TRPC6: variants seen among roughly 807,000 people sequenced by gnomAD.
TRPC6 encodes short transient receptor potential channel 6.
In TRPC6, 55 loss-of-function variants were observed where a neutral mutation model predicts 90.7. That is an observed-to-expected ratio of 0.61 (90% CI 0.49 to 0.76). The LOEUF is 0.76. Among genes scored for constraint, TRPC6 ranks in the 30% least tolerant of loss-of-function variants. TRPC6 has a pLI of 0.00. For synonymous variants in TRPC6, 393 were observed against 393.0 expected (o/e 1.00, Z 0.00); for missense variants, 989 against 1,122.7 (o/e 0.88, Z 1.70).
At chr11:101,537,533 G>A (rs1861079383) in intron 1 of TRPC6, among the ~76,000 whole-genome samples, 2 of 151,952 alleles carry the variant, frequency 1.3e-5, no homozygotes, top group South Asian at 4.1e-4. Flanking sequence ...GGCCTTATGT[G>A]GATGTTTCTC....
intron 1 of TRPC6, among the ~76,000 whole-genome samples, chr11:101,526,154 A>T (rs1341424575): frequency 6.6e-6 from 1 of 152,164 alleles, no homozygotes; most frequent in Non-Finnish European, 1.5e-5. Flanking sequence ...GGGTATAAAT[A>T]TGAATCTCTC....
chr11:101,494,755 T>G (rs1859905496), intron 2 of TRPC6, among the ~76,000 whole-genome samples: 1 of 152,224 alleles, frequency 6.6e-6, no homozygotes, highest in African/African-American at 2.4e-5. Flanking sequence ...TGGTATTTAA[T>G]AACCTTAATC....
chr11:101,517,374 C>T (rs1326896601), intron 1 of TRPC6, among the ~76,000 whole-genome samples: 1 of 152,170 alleles, frequency 6.6e-6, no homozygotes, highest in East Asian at 1.9e-4. Context: ...GCTAAGAATG[C>T]TTGTTTTCAG....
chr11:101,491,840 T>G, intron 2 of TRPC6, 102 bp from the exon 3 acceptor site: 17 of 853,542 alleles, frequency 2.0e-5, no homozygotes, highest in Non-Finnish European at 2.2e-5. Flanking sequence ...AACATTCTTT[T>G]TTTTTTTTTT....
intron 10 of TRPC6, among the ~76,000 whole-genome samples, chr11:101,468,238 A>C (rs1388273829): frequency 6.6e-6 from 1 of 152,064 alleles, no homozygotes; most frequent in Admixed American, 6.5e-5. Context: ...ATTTCTTCCC[A>C]ATCAAAATTC....
At chr11:101,544,244 G>C (rs970409060) in intron 1 of TRPC6, among the ~76,000 whole-genome samples, 3 of 152,206 alleles carry the variant, frequency 2.0e-5, no homozygotes, top group Non-Finnish European at 2.9e-5. Context: ...ATGCTGGAGA[G>C]GATATGGAGA....
intron 4 of TRPC6, among the ~76,000 whole-genome samples, chr11:101,485,182 G>C (rs1859647887): frequency 6.8e-6 from 1 of 147,742 alleles, no homozygotes; most frequent in Non-Finnish European, 1.5e-5. Flanking sequence ...ATAGATTCTA[G>C]AATTGCAGAG....
intron 1 of TRPC6, among the ~76,000 whole-genome samples, chr11:101,557,009 T>G (rs1230418585): frequency 6.6e-6 from 1 of 152,170 alleles, no homozygotes; most frequent in East Asian, 1.9e-4. Flanking sequence ...AATTCAATAT[T>G]CTTTCATGAT....
rs199503170 is a variant in TRPC6, at chr11:101,483,097, C to T, written c.1362G>A (p.Leu454=). 2.5e-6 allele frequency: 4 copies of T among 1,613,938 alleles called. No individual in the cohort carries two copies. Among genetic ancestry groups the T allele is most frequent in the African/African-American group, 1.3e-5 (1 of 74,914 alleles). The part of the protein sequence containing the change: ...VAHAASFTIF[L]GLLVMNAADR... ...CAGCTGCATTCATGACTAGCAGTCC[C>T]AGAAAAATGGTGAAGGAGGCTGCGT... is the stretch of plus-strand genomic sequence containing the variant. Residue 454 remains leucine (L), a synonymous_variant, in exon 5 of 13, where the codon CTG becomes CTA. Coordinates refer to ENST00000344327, the MANE Select transcript of TRPC6 (RefSeq NM_004621.6).
At chr11:101,566,446 T>A (rs549535962) in intron 1 of TRPC6, among the ~76,000 whole-genome samples, 2 of 152,288 alleles carry the variant, frequency 1.3e-5, no homozygotes, top group South Asian at 4.1e-4. Context: ...AAAAGATGTA[T>A]CCCCATAGGT....
chr11:101,547,607 T>C (rs1861337390), intron 1 of TRPC6, among the ~76,000 whole-genome samples: 1 of 152,202 alleles, frequency 6.6e-6, no homozygotes, highest in Admixed American at 6.5e-5. Context: ...ATTTCTGTTA[T>C]GAATATTTCT....
chr11:101,512,078 G>C (rs1860407027), intron 1 of TRPC6, among the ~76,000 whole-genome samples: 1 of 147,946 alleles, frequency 6.8e-6, no homozygotes, highest in Non-Finnish European at 1.5e-5. Context: ...TAGAGGGTGA[G>C]AGAGTGAGCA....
chr11:101,465,246 A>C (rs1270977507), intron 10 of TRPC6, among the ~76,000 whole-genome samples: 1 of 152,052 alleles, frequency 6.6e-6, no homozygotes, highest in East Asian at 1.9e-4. Flanking sequence ...AACCTTGGTG[A>C]ATCTGATGAT....
intron 1 of TRPC6, among the ~76,000 whole-genome samples, chr11:101,539,904 AT>A (rs1861132540): frequency 6.6e-6 from 1 of 152,324 alleles, no homozygotes; most frequent in African/African-American, 2.4e-5. Context: ...ATGCTGGAGA[AT>A]TGGCAGGTGG....
intron 9 of TRPC6, 116 bp from the exon 10 acceptor site, chr11:101,469,617 T>A (rs1428707005): frequency 1.6e-6 from 1 of 619,002 alleles, no homozygotes; most frequent in African/African-American, 1.8e-5. Flanking sequence ...GAGAAACATA[T>A]TCTTACGGGG....
chr11:101,549,598 T>A (rs1861406709), intron 1 of TRPC6, among the ~76,000 whole-genome samples: 1 of 150,614 alleles, frequency 6.6e-6, no homozygotes, highest in African/African-American at 2.4e-5. Flanking sequence ...ACATATTGAA[T>A]AAGGGAGAAA....
At chr11:101,461,300 G>A (rs767540818) in intron 10 of TRPC6, among the ~76,000 whole-genome samples, 25 of 152,312 alleles carry the variant, frequency 1.6e-4, no homozygotes, top group Non-Finnish European at 3.1e-4. Flanking sequence ...CACGGTGGCT[G>A]ATGCCTGTAA....
chr11:101,523,821 G>A (rs1860715057), intron 1 of TRPC6, among the ~76,000 whole-genome samples: 2 of 152,168 alleles, frequency 1.3e-5, no homozygotes, highest in African/African-American at 4.8e-5. Context: ...AGGAAACAAG[G>A]TTGTTTTAAA....
At chr11:101,544,100 A>C (rs181502518) in intron 1 of TRPC6, among the ~76,000 whole-genome samples, 24 of 152,360 alleles carry the variant, frequency 1.6e-4, no homozygotes, top group African/African-American at 5.0e-4. Flanking sequence ...AAAAGAAGAC[A>C]TTTATGCAGC....
Sources: gnomAD v4.1 joint callset for allele counts (sites outside exome capture counted in the v4.1 genomes callset) on GRCh38, gnomAD v4.1.1 for gene constraint, MANE v1.5 for transcripts, NCBI Gene and HGNC (gene_info 2026-07-23, HGNC 2026-07-21) for gene names.